Variants in ABCC3 observed in about 807,000 individuals in gnomAD.
The protein encoded by ABCC3 is ATP-binding cassette sub-family C member 3.
In ABCC3, 121 loss-of-function variants were observed where a neutral mutation model predicts 165.3. The observed-to-expected ratio is 0.73, with a 90% confidence interval of 0.63 to 0.85. The LOEUF is 0.85. Ranked by LOEUF, ABCC3 falls within the 40% of genes least tolerant of loss-of-function variation. The pLI, the probability that ABCC3 is intolerant of heterozygous loss-of-function variation, is 0.00. For synonymous variants in ABCC3, 733 were observed against 810.1 expected, an observed-to-expected ratio of 0.90 and a Z score of 1.62; for missense variants, 1,869 against 1,964.1, an observed-to-expected ratio of 0.95 and a Z score of 0.92.
intron 21 of ABCC3, 44 bp downstream of exon 21, chr17:50,675,819 G>A (rs71381318): frequency 1.3e-6 from 2 of 1,595,550 alleles, no homozygotes; most frequent in Non-Finnish European, 1.7e-6. Flanking sequence ...TGGACAGGCA[G>A]GCCCCAGCAG....
chr17:50,672,701 T>C (rs1967674118), intron 17 of ABCC3, among the ~76,000 whole-genome samples: 1 of 152,046 alleles, frequency 6.6e-6, no homozygotes, highest in South Asian at 2.1e-4. Flanking sequence ...TCTGTCTCTA[T>C]AAAAAATAAA....
At chr17:50,673,348 C>A in intron 18 of ABCC3, 121 bp from the exon 19 acceptor site, 3 of 1,337,368 alleles carry the variant, frequency 2.2e-6, no homozygotes, top group Non-Finnish European at 3.1e-6. Flanking sequence ...GTGAGTCACC[C>A]ATGTGCCTGT....
At chr17:50,664,562 A>G in intron 10 of ABCC3, 1 of 204,136 alleles carries the variant, frequency 4.9e-6, no homozygotes, top group South Asian at 8.5e-5. Flanking sequence ...AATTAGCCAG[A>G]CGTGGTGGCG....
At position 50,675,813 on chromosome 17, in the gene ABCC3, C is replaced by G. The variant is rs539068974; in HGVS notation, c.2859+38C>G. On this transcript the variant is annotated intron_variant, in intron 21 of 30. Coordinates refer to ENST00000285238, the MANE Select transcript of ABCC3 (RefSeq NM_003786.4). Reference sequence around the variant, plus strand: ...GGCAAGAGGGGCTGGAGGGGATGGACAGGCAGGCCCCAGCAGCCCCAGGGT... The same window carrying G: ...GGCAAGAGGGGCTGGAGGGGATGGAGAGGCAGGCCCCAGCAGCCCCAGGGT... 1.7e-4 allele frequency: 267 copies of G among 1,591,670 alleles called. 2 individuals are homozygous for G. The South Asian group carries it at 2.7e-3, about 16-fold the overall frequency.
At chr17:50,672,902 A>G in intron 17 of ABCC3, 69 bp from the exon 18 acceptor site, 2 of 1,459,864 alleles carry the variant, frequency 1.4e-6, no homozygotes, top group South Asian at 1.3e-5. Context: ...ATCCCAAATA[A>G]CAGTGGACAG....
chr17:50,661,612 G>A (rs1296739150), intron 8 of ABCC3, among the ~76,000 whole-genome samples: 1 of 152,222 alleles, frequency 6.6e-6, no homozygotes, highest in Non-Finnish European at 1.5e-5. Context: ...GAGCTGCCTA[G>A]TAGCTAAGTC....
intron 1 of ABCC3, chr17:50,635,767 C>A: frequency 1.7e-6 from 1 of 597,042 alleles, no homozygotes; most frequent in Non-Finnish European, 3.0e-6. Context: ...GCCTGTAATC[C>A]CACCCTTTGG....
At chr17:50,690,346 AG>A (rs1348514974) in intron 30 of ABCC3, among the ~76,000 whole-genome samples, 2 of 66,366 alleles carry the variant, frequency 3.0e-5, no homozygotes, top group South Asian at 5.1e-4. Flanking sequence ...GCGGGAGGGG[AG>A]GGGGGGCGGT....
intron 8 of ABCC3, among the ~76,000 whole-genome samples, chr17:50,661,917 G>C (rs1380908725): frequency 6.6e-6 from 1 of 152,194 alleles, no homozygotes; most frequent in Non-Finnish European, 1.5e-5. Context: ...TGAAGAAACA[G>C]GGGAAAGTTC....
At position 50,668,426 on chromosome 17, in the gene ABCC3, G is replaced by A. The variant is rs11568607; in HGVS notation, c.1783-4G>A. The A allele has an allele frequency of 5.2e-3, 8,334 of 1,613,178 alleles. 264 individuals are homozygous for A. In the African/African-American group the frequency reaches 0.086, roughly 17 times the overall value. On this transcript the variant is annotated splice_region_variant and splice_polypyrimidine_tract_variant and intron_variant, in intron 13 of 30. Coordinates refer to ENST00000285238, the MANE Select transcript of ABCC3 (RefSeq NM_003786.4). ...CTCTAGGGCTGACTCACATCCTCCC[G>A]TAGGCCAGTGTGTCTCTGAAACGGA...
chr17:50,676,164 G>C, intron 22 of ABCC3, 74 bp downstream of exon 22: 2 of 1,598,892 alleles, frequency 1.3e-6, no homozygotes, highest in Non-Finnish European at 1.7e-6. Flanking sequence ...CCCAAACCGT[G>C]CCCTTGCATC....
At position 50,675,932 on chromosome 17, in the gene ABCC3, C is replaced by T. The variant is rs908077210; in HGVS notation, c.2909C>T (p.Thr970Ile). Residue 970 changes from threonine (T) to isoleucine (I), a missense_variant, in exon 22 of 31, where the codon ACC becomes ATC. By Grantham distance (89) the Thr-to-Ile change is moderately conservative. Transcript: ENST00000285238. ...WDYAKAVGLC[T>I]TLAICLLYVG... ...TATGCCAAGGCCGTGGGGCTCTGTA[C>T]CACGCTGGCCATCTGTCTCCTGTAT... 6.2e-7 allele frequency: 1 copy of T among 1,614,030 alleles called. No homozygotes were observed. Among genetic ancestry groups the T allele is most frequent in the African/African-American group, 1.3e-5 (1 of 74,914 alleles).
intron 29 of ABCC3, among the ~76,000 whole-genome samples, chr17:50,685,201 T>C (rs917520062): frequency 2.0e-5 from 3 of 152,170 alleles, no homozygotes; most frequent in Non-Finnish European, 2.9e-5. Flanking sequence ...CCAAAACCCT[T>C]TGAGGAAGCC....
rs761927231 is a variant in ABCC3, at chr17:50,675,373, G to A, written c.2611G>A (p.Ala871Thr). The stretch of plus-strand genomic sequence containing the variant: ...CCACCCTACTGCAGCGTTGGAAGGT[G>A]CAGAGGATAAGGAGGCACTGCTGAT... ...LEDSWTALEG[A>T]EDKEALLIED... The change falls in exon 20 of 31, where the codon GCA (alanine) becomes ACA (threonine). Residue 871 changes from alanine to threonine, a missense_variant. By Grantham distance (58) the Ala-to-Thr change is moderately conservative. Coordinates refer to ENST00000285238, the MANE Select transcript of ABCC3 (RefSeq NM_003786.4). The A allele has an allele frequency of 3.1e-6, 5 of 1,612,816 alleles. No individual in the cohort carries two copies. Among genetic ancestry groups the A allele is most frequent in the Admixed American group, 1.7e-5 (1 of 59,900 alleles).
At chr17:50,654,024 T>G (rs532665005) in intron 1 of ABCC3, among the ~76,000 whole-genome samples, 1 of 152,302 alleles carries the variant, frequency 6.6e-6, no homozygotes, top group Non-Finnish European at 1.5e-5. Context: ...TTCAGTTCAC[T>G]ATGTAAGGAG....
intron 1 of ABCC3, among the ~76,000 whole-genome samples, chr17:50,641,177 G>C (rs1428354435): frequency 6.6e-6 from 1 of 152,234 alleles, no homozygotes; most frequent in Non-Finnish European, 1.5e-5. Context: ...CCATGAGGGG[G>C]CCTCTGCCAC....
rs772176022 is a variant in ABCC3, at chr17:50,657,077, G to A, written c.380G>A (p.Arg127Gln). 4.3e-6 allele frequency: 7 copies of A among 1,614,118 alleles called. No individual in the cohort carries two copies. Among genetic ancestry groups the A allele is most frequent in the East Asian group, 2.2e-5 (1 of 44,878 alleles). Residue 127 changes from arginine (R) to glutamine (Q), a missense_variant, in exon 4 of 31, where the codon CGG becomes CAG. Coordinates refer to ENST00000285238, the MANE Select transcript of ABCC3 (RefSeq NM_003786.4). ...GCCACCCTGCTGATACAGTATGAGC[G>A]GCTGCAGGGCGTACAGTCTTCGGGG... ...LLATLLIQYERLQGVQSSGVL... is the reference protein window; with the variant it reads ...LLATLLIQYEQLQGVQSSGVL...
intron 1 of ABCC3, among the ~76,000 whole-genome samples, chr17:50,641,093 C>G (rs118056889): frequency 6.6e-6 from 1 of 152,156 alleles, no homozygotes; most frequent in Admixed American, 6.5e-5. Flanking sequence ...CAGAGGGCTC[C>G]GGGGTCCTCA....
intron 29 of ABCC3, among the ~76,000 whole-genome samples, 193 bp downstream of exon 29, chr17:50,685,068 G>GC (rs1362275850): frequency 6.6e-6 from 1 of 152,190 alleles, no homozygotes; most frequent in African/African-American, 2.4e-5. Context: ...ACAAGCCCCA[G>GC]CGGTGGTCCA....
Sources: allele counts gnomAD v4.1 joint callset (sites outside exome capture counted in the v4.1 genomes callset), GRCh38; gene constraint gnomAD v4.1.1; transcripts MANE v1.5; gene names NCBI Gene and HGNC (gene_info 2026-07-23, HGNC 2026-07-21).